DCHS2: variants seen among roughly 807,000 people sequenced by gnomAD.
The protein encoded by DCHS2 is dachsous cadherin-related 2, also known as protocadherin-23.
In DCHS2, 142 loss-of-function variants were observed where a neutral mutation model predicts 182.4. The ratio of observed to expected loss-of-function variants is 0.78; its 90% CI spans 0.68 to 0.89. DCHS2 has a LOEUF of 0.89. Among genes scored for constraint, DCHS2 ranks in the 40% least tolerant of loss-of-function variants. The probability of loss-of-function intolerance (pLI) is 0.00; values close to 1 mark genes in which losing one functional copy is unlikely to be tolerated. For synonymous variants in DCHS2, 1,740 were observed against 1,663.3 expected, an observed-to-expected ratio of 1.05 and a Z score of -1.12; for missense variants, 4,319 against 4,198.6, an observed-to-expected ratio of 1.03 and a Z score of -0.79.
At chr4:154,369,133 G>A (rs765034159) in intron 2 of DCHS2, among the ~76,000 whole-genome samples, 2 of 152,092 alleles carry the variant, frequency 1.3e-5, no homozygotes, top group African/African-American at 4.8e-5. Context: ...GACAACTATT[G>A]CTATCCTCAA....
intron 13 of DCHS2, among the ~76,000 whole-genome samples, chr4:154,297,128 G>A (rs1035037160): frequency 6.6e-6 from 1 of 152,194 alleles, no homozygotes; most frequent in Non-Finnish European, 1.5e-5. Context: ...ATTTTATGAT[G>A]TTGTCATTAT....
At chr4:154,322,186 T>G in intron 8 of DCHS2, 145 bp downstream of exon 8, 10 of 1,196,800 alleles carry the variant, frequency 8.4e-6, no homozygotes, top group Non-Finnish European at 1.2e-5. Flanking sequence ...GTATGCTATG[T>G]GCAATGCTCT....
At chr4:154,481,190 T>G (rs1735905468) in intron 1 of DCHS2, among the ~76,000 whole-genome samples, 1 of 152,188 alleles carries the variant, frequency 6.6e-6, no homozygotes, top group African/African-American at 2.4e-5. Context: ...TCTATTGAGA[T>G]CATATCTCTA....
At chr4:154,334,825 T>C (rs1201234311) in intron 4 of DCHS2, 43 bp downstream of exon 4, 1 of 1,475,284 alleles carries the variant, frequency 6.8e-7, no homozygotes, top group African/African-American at 1.4e-5. Flanking sequence ...CAAGAAATGT[T>C]CCAATAATGG....
chr4:154,243,679 A>ACTTTCAG (rs1273603066), intron 16 of DCHS2, among the ~76,000 whole-genome samples: 1 of 152,090 alleles, frequency 6.6e-6, no homozygotes, highest in Non-Finnish European at 1.5e-5. Flanking sequence ...TGGACATGGG[A>ACTTTCAG]CTTTCAGTGC....
chr4:154,277,729 G>T (rs1301133426), intron 13 of DCHS2, among the ~76,000 whole-genome samples: 1 of 151,386 alleles, frequency 6.6e-6, no homozygotes, highest in Non-Finnish European at 1.5e-5. Context: ...TGAAGAAACA[G>T]ATCTATAAAT....
In DCHS2 at chr4:154,332,921, G is replaced by C. The variant is rs1312992054; in HGVS notation, c.3287C>G (p.Ser1096Cys). 3 of 1,614,244 alleles carry C rather than the reference G, an allele frequency of 1.9e-6. No individual in the cohort carries two copies. The highest frequency in any genetic ancestry group is 2.5e-6 in the Non-Finnish European group (3 of 1,180,040). Residue 1096 changes from serine (S) to cysteine (C), a missense_variant, in exon 5 of 20, where the codon TCT becomes TGT. Coordinates refer to ENST00000357232, the MANE Select transcript of DCHS2 (RefSeq NM_001358235.2). The stretch of plus-strand genomic sequence containing the variant: ...CAGCATTTGTGTCATCGGTGAGAGA[G>C]ACTCACTGACTTCCACTTGATAGAC... ...HLVYQVEVSE[S>C]LSPMTQMLQT... is the part of the protein sequence containing the mutation.
rs1731230325 is a variant in DCHS2, at chr4:154,232,199, G to A, written c.*2337C>T. On this transcript the variant is annotated 3_prime_UTR_variant, in exon 20 of 20. Coordinates refer to ENST00000357232, the MANE Select transcript of DCHS2 (RefSeq NM_001358235.2). ...AGGCAAGTTAATATTAAACTTGAAG[G>A]AAAAATGTACAAATTATATTGTTTA... 1 of 152,100 alleles carries A rather than the reference G, an allele frequency of 6.6e-6. No homozygotes were observed. The highest frequency in any genetic ancestry group is 2.4e-5 in the African/African-American group (1 of 41,434). 9.4% of individuals were successfully genotyped at this position (152,100 alleles called of 1,614,324 possible).
At chr4:154,438,076 C>T (rs889080455) in intron 1 of DCHS2, among the ~76,000 whole-genome samples, 1 of 152,186 alleles carries the variant, frequency 6.6e-6, no homozygotes, top group Admixed American at 6.5e-5. Flanking sequence ...TATACTTCCT[C>T]ACTGTCAGTC....
intron 3 of DCHS2, among the ~76,000 whole-genome samples, chr4:154,339,454 T>C (rs1329686229): frequency 6.6e-6 from 1 of 151,140 alleles, no homozygotes; most frequent in Non-Finnish European, 1.5e-5. Context: ...GAACAAACTT[T>C]TTTTTTTTTT....
intron 1 of DCHS2, among the ~76,000 whole-genome samples, chr4:154,469,751 C>T (rs1021977430): frequency 6.6e-6 from 1 of 152,174 alleles, no homozygotes; most frequent in African/African-American, 2.4e-5. Flanking sequence ...TGGTCCTTTT[C>T]ACCTTCGAAG....
At chr4:154,416,362 G>A (rs1306148405) in intron 1 of DCHS2, among the ~76,000 whole-genome samples, 1 of 152,196 alleles carries the variant, frequency 6.6e-6, no homozygotes, top group East Asian at 1.9e-4. Flanking sequence ...TCGCATCCCA[G>A]GATCATTAGC....
At chr4:154,453,928 G>T (rs980375154) in intron 1 of DCHS2, among the ~76,000 whole-genome samples, 1 of 152,140 alleles carries the variant, frequency 6.6e-6, no homozygotes, top group African/African-American at 2.4e-5. Context: ...TTTCATGAAT[G>T]CTATGCAATT....
At chr4:154,329,377 A>G in intron 6 of DCHS2, 146 bp downstream of exon 6, 2 of 766,808 alleles carry the variant, frequency 2.6e-6, no homozygotes, top group Non-Finnish European at 4.1e-6. Flanking sequence ...TTAAAATAAC[A>G]TGTGCACAGT....
chr4:154,255,464 T>TTGTC (rs1732610658), intron 16 of DCHS2, 55 bp downstream of exon 16: 1 of 1,557,660 alleles, frequency 6.4e-7, no homozygotes. Context: ...AACAGCAATG[T>TTGTC]TGTCAGTAAG....
At chr4:154,250,788 C>T (rs570546279) in intron 16 of DCHS2, among the ~76,000 whole-genome samples, 1 of 152,176 alleles carries the variant, frequency 6.6e-6, no homozygotes, top group Non-Finnish European at 1.5e-5. Context: ...GCAGTGCATC[C>T]ATTATGAGGT....
intron 13 of DCHS2, among the ~76,000 whole-genome samples, chr4:154,289,210 A>G (rs1734544341): frequency 6.6e-6 from 1 of 152,102 alleles, no homozygotes; most frequent in South Asian, 2.1e-4. Flanking sequence ...TCAGAAGAAA[A>G]GGGAGAAGAC....
chr4:154,257,396 G>C (rs925846843), intron 15 of DCHS2, among the ~76,000 whole-genome samples: 2 of 152,136 alleles, frequency 1.3e-5, no homozygotes, highest in Non-Finnish European at 2.9e-5. Flanking sequence ...AGTGGCTCTA[G>C]GGAATGTAAA....
At chr4:154,399,053 A>G (rs952558688) in intron 1 of DCHS2, among the ~76,000 whole-genome samples, 1 of 152,218 alleles carries the variant, frequency 6.6e-6, no homozygotes, top group African/African-American at 2.4e-5. Context: ...CATGCCTCCA[A>G]AAAACATCAT....
Sources: gnomAD v4.1 joint callset for allele counts (sites outside exome capture counted in the v4.1 genomes callset) on GRCh38, gnomAD v4.1.1 for gene constraint, MANE v1.5 for transcripts, NCBI Gene and HGNC (gene_info 2026-07-23, HGNC 2026-07-21) for gene names.